Variants in ELMO1 observed in about 807,000 individuals in gnomAD.
ELMO1 encodes engulfment and cell motility 1, also known as engulfment and cell motility protein 1.
A neutral mutation model predicts 98.9 loss-of-function variants in ELMO1; 26 were observed. That is an observed-to-expected ratio of 0.26 (90% confidence interval 0.19 to 0.36). The LOEUF (loss-of-function observed/expected upper bound fraction) is 0.36. Ranked by LOEUF, ELMO1 falls within the 10% of genes least tolerant of loss-of-function variation. ELMO1 has a pLI of 1.00. For synonymous variants in ELMO1, 346 were observed against 346.0 expected, an observed-to-expected ratio of 1.00 and a Z score of 0.00; for missense variants, 627 against 935.2, an observed-to-expected ratio of 0.67 and a Z score of 4.30.
chr7:37,255,542 C>T (rs548739213), intron 6 of ELMO1, among the ~76,000 whole-genome samples: 2 of 152,322 alleles, frequency 1.3e-5, no homozygotes, highest in African/African-American at 4.8e-5. Flanking sequence ...CTGTAACTGC[C>T]GGCCTCTGGA....
Position 37,143,608 on chromosome 7 carries a change from T to C in ELMO1, c.1087-10374A>G, listed in dbSNP as rs563935776. 4.6e-5 allele frequency among the ~76,000 whole-genome samples: 7 copies of C among 152,172 alleles called. No homozygotes were observed. In the South Asian group the frequency reaches 1.0e-3, roughly 23 times the overall value. ...TTTTGGTAGAGATGAGGTTTCACCATGCTGGCCAGGCTGATTTCGAACTCC... is the reference window on the plus strand; with the variant it reads ...TTTTGGTAGAGATGAGGTTTCACCACGCTGGCCAGGCTGATTTCGAACTCC... On this transcript the variant is annotated intron_variant, in intron 13 of 21. Coordinates refer to ENST00000310758, the MANE Select transcript of ELMO1 (RefSeq NM_014800.11).
At chr7:37,208,944 T>C (rs1792804988) in intron 13 of ELMO1, among the ~76,000 whole-genome samples, 1 of 152,106 alleles carries the variant, frequency 6.6e-6, no homozygotes, top group South Asian at 2.1e-4. Context: ...TTGCTTTTTC[T>C]AGGATGACTT....
intron 14 of ELMO1, among the ~76,000 whole-genome samples, chr7:37,115,793 C>T (rs1271271824): frequency 6.7e-6 from 1 of 149,040 alleles, no homozygotes. Flanking sequence ...AAGGAGGAAA[C>T]AAAACTGTCT....
chr7:37,155,988 TG>T (rs1431985115), intron 13 of ELMO1, among the ~76,000 whole-genome samples: 3 of 152,172 alleles, frequency 2.0e-5, no homozygotes, highest in Non-Finnish European at 2.9e-5. Flanking sequence ...CACACCACAG[TG>T]CCATCAAATT....
intron 20 of ELMO1, among the ~76,000 whole-genome samples, chr7:36,864,214 G>A (rs1296300705): frequency 1.3e-5 from 2 of 152,232 alleles, no homozygotes; most frequent in African/African-American, 2.4e-5. Context: ...GAAGTCACTT[G>A]AGACCACAGT....
At chr7:37,276,686 T>A (rs1326969188) in intron 4 of ELMO1, among the ~76,000 whole-genome samples, 1 of 152,142 alleles carries the variant, frequency 6.6e-6, no homozygotes, top group East Asian at 1.9e-4. Context: ...ACCCTATACA[T>A]AAATAATAAA....
At chr7:37,078,888 G>A (rs951759358) in intron 15 of ELMO1, among the ~76,000 whole-genome samples, 6 of 151,596 alleles carry the variant, frequency 4.0e-5, no homozygotes, top group Admixed American at 2.6e-4. Flanking sequence ...AAAAATACAC[G>A]CTTTAATCCT....
At chr7:37,241,082 G>T (rs1794742285) in intron 7 of ELMO1, among the ~76,000 whole-genome samples, 1 of 151,980 alleles carries the variant, frequency 6.6e-6, no homozygotes, top group Admixed American at 6.5e-5. Flanking sequence ...TGATGGGTTT[G>T]CCTCTTTTTC....
intron 4 of ELMO1, among the ~76,000 whole-genome samples, chr7:37,288,573 T>C (rs1346460681): frequency 6.6e-6 from 1 of 152,170 alleles, no homozygotes; most frequent in Non-Finnish European, 1.5e-5. Context: ...TAAAGCAATC[T>C]TGGCCAAGGC....
At position 36,892,716 on chromosome 7, in the gene ELMO1, G is replaced by A. The variant is rs1002645589; in HGVS notation, c.1601+2138C>T. Among the ~76,000 whole-genome samples the A allele has an allele frequency of 2.6e-5, 4 of 152,128 alleles. No homozygotes were observed. In the South Asian group the frequency reaches 6.2e-4, roughly 24 times the overall value. On this transcript the variant is annotated intron_variant, in intron 17 of 21. Transcript: ENST00000310758. ...ATCACTCTAATAGGCAAAACATATC[G>A]CAGCTACCCTCTGCCGGCTTCAGAG... is the stretch of plus-strand genomic sequence containing the variant.
chr7:37,173,956 T>G (rs979580095), intron 13 of ELMO1, among the ~76,000 whole-genome samples: 5 of 152,212 alleles, frequency 3.3e-5, no homozygotes, highest in Non-Finnish European at 5.9e-5. Context: ...CTGGTGAAGC[T>G]AACGTCATCT....
intron 13 of ELMO1, among the ~76,000 whole-genome samples, chr7:37,167,330 CCATTTA>C (rs1207778289): frequency 2.6e-5 from 4 of 152,294 alleles, no homozygotes; most frequent in East Asian, 1.9e-4. Context: ...AGCATTTCGT[CCATTTA>C]CATTTAAAGT....
Position 37,095,867 on chromosome 7 carries a change from G to A in ELMO1, c.1300+752C>T, listed in dbSNP as rs1007830667. On this transcript the variant is annotated intron_variant, in intron 15 of 21. Coordinates refer to ENST00000310758, the MANE Select transcript of ELMO1 (RefSeq NM_014800.11). Reference sequence around the variant, plus strand: ...TCTTTTCTGGTGCTCATGTTATTAAGCCTGTGCGGAAAGATTTATATGTGT... The same window carrying A: ...TCTTTTCTGGTGCTCATGTTATTAAACCTGTGCGGAAAGATTTATATGTGT... Among the ~76,000 whole-genome samples, 8 of 152,114 alleles carry A rather than the reference G, an allele frequency of 5.3e-5. No homozygotes were observed. In the East Asian group the frequency reaches 1.5e-3, roughly 29 times the overall value.
intron 16 of ELMO1, among the ~76,000 whole-genome samples, chr7:36,983,503 C>T (rs973165687): frequency 3.3e-5 from 5 of 152,194 alleles, no homozygotes; most frequent in Non-Finnish European, 7.4e-5. Context: ...GCAACAAGTA[C>T]ATCGACATGC....
chr7:37,324,585 A>ATTAT (rs1334235068), intron 2 of ELMO1, among the ~76,000 whole-genome samples: 1 of 151,960 alleles, frequency 6.6e-6, no homozygotes, highest in Non-Finnish European at 1.5e-5. Flanking sequence ...GGATGACTCT[A>ATTAT]TTATTTATTT....
intron 4 of ELMO1, among the ~76,000 whole-genome samples, chr7:37,272,843 G>C (rs561249012): frequency 2.6e-5 from 4 of 152,196 alleles, no homozygotes; most frequent in African/African-American, 7.2e-5. Context: ...TCAGCCATTA[G>C]GATAAATGGT....
chr7:37,027,507 G>T (rs1269771397), intron 15 of ELMO1, among the ~76,000 whole-genome samples: 1 of 152,182 alleles, frequency 6.6e-6, no homozygotes, highest in African/African-American at 2.4e-5. Context: ...TAAGGGAGAC[G>T]CAGGGGATAT....
At chr7:37,123,567 C>T (rs1027926606) in intron 14 of ELMO1, among the ~76,000 whole-genome samples, 2 of 152,156 alleles carry the variant, frequency 1.3e-5, no homozygotes, top group African/African-American at 4.8e-5. Flanking sequence ...GACACATACA[C>T]CCTCCCAAGA....
intron 6 of ELMO1, among the ~76,000 whole-genome samples, chr7:37,248,556 G>C (rs1309280347): frequency 1.3e-5 from 2 of 152,244 alleles, no homozygotes; most frequent in African/African-American, 4.8e-5. Context: ...CTCAAGAGCT[G>C]TTCCAGCTGG....
Sources: gnomAD v4.1 joint callset for allele counts (sites outside exome capture counted in the v4.1 genomes callset) on GRCh38, gnomAD v4.1.1 for gene constraint, MANE v1.5 for transcripts, NCBI Gene and HGNC (gene_info 2026-07-23, HGNC 2026-07-21) for gene names.